The following DNAH5 variants were observed in gnomAD, a reference collection of about 807,000 sequenced individuals.
DNAH5 encodes axonemal beta dynein heavy chain 5.
DNAH5 carries 372 observed loss-of-function variants against 518.2 expected under a neutral mutation model. That is an observed-to-expected ratio of 0.72 (90% CI 0.66 to 0.78). The LOEUF (loss-of-function observed/expected upper bound fraction) is 0.78. Among genes scored for constraint, DNAH5 ranks in the 30% least tolerant of loss-of-function variants. DNAH5 has a pLI of 0.00. For synonymous variants in DNAH5, 2,039 were observed against 2,025.9 expected (o/e 1.01, Z -0.17); for missense variants, 5,523 against 5,687.0 (o/e 0.97, Z 0.93).
chr5:13,920,135 G>C (rs1323272926), intron 6 of DNAH5, among the ~76,000 whole-genome samples: 1 of 152,286 alleles, frequency 6.6e-6, no homozygotes, highest in East Asian at 1.9e-4. Context: ...TTGTGTTTAA[G>C]GTGAAGTCTC....
At position 13,839,358 on chromosome 5, in the gene DNAH5, G is replaced by A. The variant is rs1764848840; in HGVS notation, c.5880C>T (p.Asp1960=). Residue 1960 remains aspartate (D), a splice_region_variant and synonymous_variant, in exon 35 of 79, where the codon GAC becomes GAT. Transcript: ENST00000265104. ...TDRLVITPLT[D]RCYITLAQAL... is the part of the protein sequence containing the mutation. ...GTTGGGGAGAAGGGTTCCATCACCT[G>A]TCTGTAAGTGGAGTTATTACAAGCC... 4 of 1,613,918 alleles carry A rather than the reference G, an allele frequency of 2.5e-6. No individual in the cohort carries two copies.
chr5:13,858,962 A>T (rs951015759), intron 30 of DNAH5, among the ~76,000 whole-genome samples: 1 of 152,228 alleles, frequency 6.6e-6, no homozygotes, highest in Non-Finnish European at 1.5e-5. Flanking sequence ...ATAAATATAT[A>T]CTTGACATCT....
chr5:13,831,478 G>A (rs567661554), intron 35 of DNAH5, among the ~76,000 whole-genome samples: 1 of 152,314 alleles, frequency 6.6e-6, no homozygotes, highest in Admixed American at 6.5e-5. Flanking sequence ...GTGCCGTGTA[G>A]GGTTTTCTTA....
At chr5:13,738,046 G>C (rs1747830652) in intron 65 of DNAH5, among the ~76,000 whole-genome samples, 1 of 148,162 alleles carries the variant, frequency 6.7e-6, no homozygotes, top group African/African-American at 2.5e-5. Context: ...CTGGACAACA[G>C]AGTGAGACTC....
chr5:13,700,926 A>G, intron 77 of DNAH5, 55 bp from the exon 78 acceptor site: 1 of 1,537,344 alleles, frequency 6.5e-7, no homozygotes, highest in Non-Finnish European at 9.0e-7. Context: ...CTTAATAGAA[A>G]GAGCATAACA....
In DNAH5 at chr5:13,965,415, T is replaced by G. The variant is rs144568359; in HGVS notation, c.13-34171A>C. 5.0e-4 allele frequency among the ~76,000 whole-genome samples: 76 copies of G among 152,326 alleles called. No homozygotes were observed. The East Asian group carries it at 0.014, about 29-fold the overall frequency. On this transcript the variant is annotated intron_variant, in intron 1 of 78. Transcript: ENST00000681290. ...GTTTTTCACAGGAAACCAATGTGAC[T>G]CTAAGGAATAATGAAAATCATGTTT...
Position 13,922,329 on chromosome 5 carries a change from CT to C in DNAH5, c.439-2del. On this transcript the variant is annotated splice_acceptor_variant, in intron 4 of 78. Transcript: ENST00000265104. LOFTEE classifies it high-confidence loss of function. ...CATCTAACATGTTAAAACTCACCTC[CT>C]GGAAAACAGGCAGGAGATCTTTTAT... The C allele has an allele frequency of 6.2e-7, 1 of 1,612,756 alleles. No individual in the cohort carries two copies. Among genetic ancestry groups the C allele is most frequent in the South Asian group, 1.1e-5 (1 of 90,912 alleles).
chr5:13,886,251 G>T, intron 17 of DNAH5, 122 bp from the exon 18 acceptor site: 1 of 981,180 alleles, frequency 1.0e-6, no homozygotes, highest in Non-Finnish European at 1.5e-6. Context: ...TTCAGCCCCA[G>T]TGATGCTTGG....
At chr5:13,968,893 C>G (rs768644605) in intron 1 of DNAH5, among the ~76,000 whole-genome samples, 4 of 152,108 alleles carry the variant, frequency 2.6e-5, no homozygotes, top group African/African-American at 2.4e-5. Context: ...GGATTGATAT[C>G]AATTCTTCTT....
chr5:13,808,198 C>G (rs1759955044), intron 46 of DNAH5, among the ~76,000 whole-genome samples: 1 of 136,058 alleles, frequency 7.3e-6, no homozygotes, highest in Non-Finnish European at 1.5e-5. Flanking sequence ...CTATTGCACT[C>G]TAACCTGGGT....
At chr5:13,876,164 C>T (rs1770864156) in intron 22 of DNAH5, among the ~76,000 whole-genome samples, 2 of 152,120 alleles carry the variant, frequency 1.3e-5, no homozygotes, top group South Asian at 4.1e-4. Flanking sequence ...AAAAAATTGC[C>T]TTGAATGTAC....
chr5:13,798,870 G>C (rs919022537), intron 47 of DNAH5, among the ~76,000 whole-genome samples: 7 of 151,582 alleles, frequency 4.6e-5, no homozygotes, highest in African/African-American at 1.7e-4. Context: ...GGGTTCAAGC[G>C]ATTCTCCTGC....
rs921373580 is a variant in DNAH5 at position 13,737,322 on chromosome 5, C to T, written c.11385G>A (p.Val3795=). 6 of 1,613,986 alleles carry T rather than the reference C, an allele frequency of 3.7e-6. No homozygotes were observed. The highest frequency in any genetic ancestry group is 1.3e-5 in the African/African-American group (1 of 74,908). The change falls in exon 66 of 79, where the codon GTG becomes GTA. Residue 3795 remains valine, a synonymous_variant. Transcript: ENST00000265104. ...LSNTKRTAEE[V]TQKLEISAET... ...CAGCAGAAATTTCTAGCTTCTGTGT[C>T]ACCTCCTCGGCTGTCCTTTTTGTGT... is the stretch of plus-strand genomic sequence containing the variant.
At chr5:13,714,669 G>T in intron 74 of DNAH5, 49 bp from the exon 75 acceptor site, 1 of 1,575,724 alleles carries the variant, frequency 6.3e-7, no homozygotes, top group Non-Finnish European at 8.7e-7. Context: ...CATAAGCACC[G>T]TCTAAATTAC....
At chr5:13,968,282 T>C (rs562788985) in intron 1 of DNAH5, among the ~76,000 whole-genome samples, 18 of 152,324 alleles carry the variant, frequency 1.2e-4, no homozygotes, top group Admixed American at 4.6e-4. Context: ...ACTTCCTTTT[T>C]ACTGATTTGG....
intron 9 of DNAH5, 121 bp from the exon 10 acceptor site, chr5:13,914,763 T>C: frequency 1.0e-6 from 1 of 996,586 alleles, no homozygotes; most frequent in East Asian, 2.5e-5. Flanking sequence ...TGAGCTTGGG[T>C]TTATTTTTTT....
chr5:13,796,709 T>A (rs1338817550), intron 47 of DNAH5, among the ~76,000 whole-genome samples: 1 of 152,162 alleles, frequency 6.6e-6, no homozygotes, highest in Non-Finnish European at 1.5e-5. Flanking sequence ...ACTTTAAATT[T>A]CATATGGAAC....
At chr5:13,976,687 GTGTATATATA>G (rs1191854088) in intron 1 of DNAH5, among the ~76,000 whole-genome samples, 8 of 121,348 alleles carry the variant, frequency 6.6e-5, no homozygotes, top group African/African-American at 2.1e-4. Flanking sequence ...ATGTGTGTGT[GTGTATATATA>G]TATATATATA....
Position 13,708,242 on chromosome 5 carries a change from C to T in DNAH5, c.13219G>A (p.Val4407Ile). Residue 4407 changes from valine (V) to isoleucine (I), a missense_variant, in exon 76 of 79, where the codon GTC (valine) becomes ATC (isoleucine). Around this residue, in one of 3 missense-constraint regions of DNAH5, gnomAD observed 387 missense variants for 430.0 expected, o/e 0.90. Transcript: ENST00000265104. ...IDRMQRVLSL[V>I]RSTLTELKLA... Reference sequence around the variant, plus strand: ...TTCAGCTCAGTGAGGGTGCTGCGGACAAGGCTGAGTACCCTTTGCATTCTG... The same window carrying T: ...TTCAGCTCAGTGAGGGTGCTGCGGATAAGGCTGAGTACCCTTTGCATTCTG... 6.2e-7 allele frequency: 1 copy of T among 1,614,128 alleles called. No homozygotes were observed. The highest frequency in any genetic ancestry group is 2.2e-5 in the East Asian group (1 of 44,870).
Sources: gnomAD v4.1 joint callset for allele counts (sites outside exome capture counted in the v4.1 genomes callset) on GRCh38, gnomAD v4.1.1 for gene constraint, gnomAD v4.1.1 regional missense constraint, MANE v1.5 for transcripts, NCBI Gene and HGNC (gene_info 2026-07-23, HGNC 2026-07-21) for gene names.